Variants in CRTC1 observed in about 807,000 individuals in gnomAD.
CRTC1 encodes the protein CREB regulated transcription coactivator 1, also known as CREB-regulated transcription coactivator 1.
In CRTC1, 18 loss-of-function variants were observed where a neutral mutation model predicts 66.1. The ratio of observed to expected loss-of-function variants is 0.27; its 90% CI spans 0.19 to 0.40. CRTC1 has a LOEUF of 0.40. Among genes scored for constraint, CRTC1 ranks in the 10% least tolerant of loss-of-function variants. CRTC1 has a pLI of 1.00. For missense variants in CRTC1, 669 were observed against 887.9 expected (o/e 0.75, Z 3.13); for synonymous variants, 416 against 398.8 (o/e 1.04, Z -0.51).
intron 1 of CRTC1, among the ~76,000 whole-genome samples, chr19:18,722,066 G>GGCT (rs1189776886): frequency 6.6e-6 from 1 of 152,202 alleles, no homozygotes; most frequent in African/African-American, 2.4e-5. Context: ...AGTCACCAGA[G>GGCT]GCTGTGGGTT....
intron 3 of CRTC1, among the ~76,000 whole-genome samples, chr19:18,746,767 A>G (rs2054247863): frequency 6.6e-6 from 1 of 152,182 alleles, no homozygotes; most frequent in South Asian, 2.1e-4. Context: ...TTCACAGCCC[A>G]GAACCCCCTC....
At chr19:18,747,187 G>A (rs1174579623) in intron 4 of CRTC1, 73 bp downstream of exon 4, 3 of 1,200,610 alleles carry the variant, frequency 2.5e-6, no homozygotes, top group Non-Finnish European at 3.6e-6. Flanking sequence ...ATGGTTACAT[G>A]TGGAAAAGCA....
intron 3 of CRTC1, 99 bp from the exon 4 acceptor site, chr19:18,746,954 G>C (rs1171495291): frequency 8.6e-7 from 1 of 1,159,878 alleles, no homozygotes; most frequent in Non-Finnish European, 1.3e-6. Context: ...GCCTCAGGCC[G>C]ACCCCAGCCA....
intron 1 of CRTC1, among the ~76,000 whole-genome samples, chr19:18,695,459 G>A (rs1157998676): frequency 2.0e-5 from 3 of 152,212 alleles, no homozygotes; most frequent in Non-Finnish European, 4.4e-5. Flanking sequence ...ACTTGGGGCC[G>A]ATTCTGCCCC....
intron 1 of CRTC1, among the ~76,000 whole-genome samples, chr19:18,690,369 C>T (rs1293971876): frequency 2.6e-5 from 4 of 152,118 alleles, no homozygotes; most frequent in South Asian, 2.1e-4. Context: ...CTGGCTTTGG[C>T]GCTATTTGTT....
In CRTC1 at chr19:18,759,148, A is replaced by AGT. The variant is rs1445379876; in HGVS notation, c.625-402_625-401insTG. 2.0e-5 allele frequency among the ~76,000 whole-genome samples: 3 copies of AGT among 152,174 alleles called. No individual in the cohort carries two copies. The East Asian group carries it at 5.8e-4, about 29-fold the overall frequency. On this transcript the variant is annotated intron_variant, in intron 6 of 13. Transcript: ENST00000321949. ...AGCTCAGGAGGTTGAGGCTGCGGCG[A>AGT]GCTGTGATCACACCACTGCACTCTA...
chr19:18,762,004 G>A (rs976469086), intron 8 of CRTC1, among the ~76,000 whole-genome samples: 7 of 152,188 alleles, frequency 4.6e-5, no homozygotes, highest in African/African-American at 1.7e-4. Context: ...CCTCTTCATT[G>A]TCTCCAGATA....
chr19:18,688,644 G>A (rs2052748535), intron 1 of CRTC1, among the ~76,000 whole-genome samples: 1 of 152,018 alleles, frequency 6.6e-6, no homozygotes, highest in African/African-American at 2.4e-5. Flanking sequence ...CACCATGTTG[G>A]TCAGGCTGGT....
At chr19:18,753,827 C>T (rs1443313461) in intron 6 of CRTC1, among the ~76,000 whole-genome samples, 1 of 152,050 alleles carries the variant, frequency 6.6e-6, no homozygotes, top group East Asian at 1.9e-4. Flanking sequence ...AGGCTGGGTG[C>T]GGTGGCTCAC....
intron 1 of CRTC1, among the ~76,000 whole-genome samples, chr19:18,731,766 G>A (rs761749012): frequency 6.6e-6 from 1 of 152,142 alleles, no homozygotes; most frequent in Non-Finnish European, 1.5e-5. Flanking sequence ...CAGAAACACC[G>A]CCCACAGCTT....
rs2054863069 is a variant in CRTC1 at position 18,771,336 on chromosome 19, CG to C, written c.1321-100del. On this transcript the variant is annotated intron_variant, in intron 10 of 13. Transcript: ENST00000321949. The surrounding 1 kb of genome is among the most constrained non-coding windows in gnomAD (Gnocchi z 4.6). ...GCGACCATCACCAAGGTGTGAGGGG[CG>C]GGGGGACCTGCCTGGGGGCTGATCA... 2.1e-5 allele frequency: 19 copies of C among 892,248 alleles called. No individual in the cohort carries two copies. The highest frequency in any genetic ancestry group is 2.9e-5 in the Non-Finnish European group (17 of 586,672). 55.3% of individuals were successfully genotyped at this position (892,248 alleles called of 1,614,324 possible).
chr19:18,748,216 T>C (rs2054287579), intron 4 of CRTC1, among the ~76,000 whole-genome samples: 1 of 152,024 alleles, frequency 6.6e-6, no homozygotes, highest in African/African-American at 2.4e-5. Flanking sequence ...TATACACACA[T>C]ATTTACATAC....
At chr19:18,702,222 ATT>A (rs1163774588) in intron 1 of CRTC1, among the ~76,000 whole-genome samples, 14 of 134,278 alleles carry the variant, frequency 1.0e-4, no homozygotes, top group East Asian at 2.2e-4. Context: ...TGTGCCCAGC[ATT>A]TTTTTTTTTT....
intron 1 of CRTC1, among the ~76,000 whole-genome samples, chr19:18,731,605 C>T (rs768782559): frequency 6.6e-6 from 1 of 152,242 alleles, no homozygotes; most frequent in Non-Finnish European, 1.5e-5. Flanking sequence ...GGACCCGATT[C>T]ATCCTGGGCT....
chr19:18,707,255 T>TC (rs1418286850), intron 1 of CRTC1, among the ~76,000 whole-genome samples: 2 of 152,342 alleles, frequency 1.3e-5, no homozygotes, highest in African/African-American at 4.8e-5. Context: ...AGATCTTTGA[T>TC]CCGTCTTGAG....
chr19:18,709,207 A>C (rs1237115201), intron 1 of CRTC1, among the ~76,000 whole-genome samples: 1 of 152,080 alleles, frequency 6.6e-6, no homozygotes. Context: ...GGTGCACATG[A>C]GGAGGTGGTA....
At chr19:18,700,522 A>G (rs920640451) in intron 1 of CRTC1, among the ~76,000 whole-genome samples, 2 of 152,148 alleles carry the variant, frequency 1.3e-5, no homozygotes, top group African/African-American at 4.8e-5. Flanking sequence ...AAAAAAAATG[A>G]AAATAAAGAA....
chr19:18,705,649 A>G (rs1433127233), intron 1 of CRTC1, among the ~76,000 whole-genome samples: 1 of 152,152 alleles, frequency 6.6e-6, no homozygotes, highest in Admixed American at 6.5e-5. Context: ...GAACTGCCAC[A>G]CTGTTCTCTG....
intron 8 of CRTC1, among the ~76,000 whole-genome samples, chr19:18,762,775 C>T (rs533046224): frequency 5.6e-4 from 86 of 152,372 alleles, no homozygotes; most frequent in African/African-American, 2.0e-3. Context: ...GGCTCCCGTC[C>T]GCCCTCCTGG....
Sources: gnomAD v4.1 joint callset for allele counts (sites outside exome capture counted in the v4.1 genomes callset) on GRCh38, gnomAD v4.1.1 for gene constraint, Gnocchi (gnomAD v3.1) non-coding constraint, MANE v1.5 for transcripts, NCBI Gene and HGNC (gene_info 2026-07-23, HGNC 2026-07-21) for gene names.